ACTMAP: variants seen among roughly 807,000 people sequenced by gnomAD.
ACTMAP encodes UPF0692 protein C19orf54.
the ACTMAP span, chr19:40,749,675 G>T: frequency 2.0e-5 from 30 of 1,536,782 alleles, no homozygotes; most frequent in Non-Finnish European, 2.5e-5. Context: ...TCCAGGGAGG[G>T]GATGGTAAAG....
the ACTMAP span, among the ~76,000 whole-genome samples, chr19:40,749,181 C>T: frequency 2.0e-5 from 3 of 151,870 alleles, no homozygotes; most frequent in East Asian, 3.9e-4. Flanking sequence ...AATAGAGATG[C>T]GGTTTCACCA....
the ACTMAP span, chr19:40,749,655 G>T: frequency 1.3e-6 from 2 of 1,547,554 alleles, no homozygotes; most frequent in Non-Finnish European, 8.7e-7. Flanking sequence ...GGGAACAGGG[G>T]TCTGCTGACT....
the ACTMAP span, chr19:40,742,522 C>T: frequency 1.9e-5 from 29 of 1,555,638 alleles, no homozygotes; most frequent in South Asian, 2.5e-5. Context: ...TACACCCGGC[C>T]GTCAGTGGCC....
At chr19:40,750,218 G>C in the ACTMAP span, 1 of 157,740 alleles carries the variant, frequency 6.3e-6, no homozygotes, top group Non-Finnish European at 1.4e-5. Flanking sequence ...CAGGGCTAAA[G>C]ATTCGGAGAA....
chr19:40,749,758 G>A, the ACTMAP span: 625 of 1,483,080 alleles, frequency 4.2e-4, 1 homozygote, highest in Non-Finnish European at 5.2e-4. Flanking sequence ...GGGGTTTTTG[G>A]AGGAGAAATT....
At chr19:40,742,534 G>A in the ACTMAP span, 30 of 1,575,358 alleles carry the variant, frequency 1.9e-5, 1 homozygote, top group South Asian at 2.3e-4. Context: ...TCAGTGGCCC[G>A]TGAGGGCGAG....
At chr19:40,742,698 TG>T in the ACTMAP span, 2 of 1,612,788 alleles carry the variant, frequency 1.2e-6, no homozygotes, top group Non-Finnish European at 1.7e-6. Context: ...CAGCACTGGG[TG>T]GAACAGGCCC....
chr19:40,750,103 G>A, the ACTMAP span, among the ~76,000 whole-genome samples: 4 of 152,136 alleles, frequency 2.6e-5, no homozygotes, highest in Non-Finnish European at 5.9e-5. Flanking sequence ...GAGTTAGTAG[G>A]AGTTAACTCA....
the ACTMAP span, among the ~76,000 whole-genome samples, chr19:40,747,358 G>A: frequency 2.6e-5 from 4 of 151,396 alleles, no homozygotes; most frequent in African/African-American, 7.3e-5. Flanking sequence ...CCAACAAGAC[G>A]ACAGCCCGTC....
the ACTMAP span, chr19:40,742,316 A>G: frequency 9.6e-7 from 1 of 1,044,048 alleles, no homozygotes. Context: ...CTGATGAAGG[A>G]GGACTGGAGA....
chr19:40,750,264 G>A, the ACTMAP span: 15 of 153,156 alleles, frequency 9.8e-5, no homozygotes, highest in East Asian at 2.9e-3. Context: ...CCAGGCCCGA[G>A]TTCGGAACCT....
chr19:40,749,404 A>ACCCCCCCCCCC, the ACTMAP span: 2 of 1,174,272 alleles, frequency 1.7e-6, no homozygotes, highest in Non-Finnish European at 2.3e-6. Context: ...GGACACGGGA[A>ACCCCCCCCCCC]CCCCCCCCCC....
chr19:40,749,724 G>A, the ACTMAP span: 334 of 1,511,066 alleles, frequency 2.2e-4, no homozygotes, highest in Non-Finnish European at 2.8e-4. Flanking sequence ...AGGAGGAGAT[G>A]GAATGCTGCT....
the ACTMAP span, among the ~76,000 whole-genome samples, chr19:40,750,126 G>A: frequency 6.6e-6 from 1 of 152,134 alleles, no homozygotes; most frequent in Non-Finnish European, 1.5e-5. Context: ...CTTTGGGGCT[G>A]GATGTGGAAA....
the ACTMAP span, among the ~76,000 whole-genome samples, chr19:40,743,072 AGAG>A: frequency 6.6e-6 from 1 of 152,126 alleles, no homozygotes; most frequent in Non-Finnish European, 1.5e-5. Flanking sequence ...AGAGGCTCCA[AGAG>A]GAGCTGTCAA....
At chr19:40,744,628 C>T in the ACTMAP span, 94 of 1,613,610 alleles carry the variant, frequency 5.8e-5, no homozygotes, top group African/African-American at 8.9e-4. Flanking sequence ...TCCAGGGGGA[C>T]GCCACTGGGG....
chr19:40,747,286 C>T, the ACTMAP span, among the ~76,000 whole-genome samples: 7 of 151,976 alleles, frequency 4.6e-5, no homozygotes, highest in African/African-American at 1.7e-4. Context: ...CCTGTAATCC[C>T]AGCACTTTGG....
chr19:40,741,942 C>T, the ACTMAP span: 1 of 441,892 alleles, frequency 2.3e-6, no homozygotes, highest in Non-Finnish European at 4.6e-6. Flanking sequence ...ATACCTGAGC[C>T]CCAATGGAAA....
chr19:40,743,672 G>T, the ACTMAP span, among the ~76,000 whole-genome samples: 1 of 152,206 alleles, frequency 6.6e-6, no homozygotes, highest in East Asian at 1.9e-4. Flanking sequence ...GAGCCTAGAA[G>T]AGGCTGTGCC....
Sources: allele counts gnomAD v4.1 joint callset (sites outside exome capture counted in the v4.1 genomes callset), GRCh38; gene constraint gnomAD v4.1.1; transcripts MANE v1.5; gene names NCBI Gene and HGNC (gene_info 2026-07-23, HGNC 2026-07-21).